The following BBS9 variants were observed in gnomAD, a reference collection of about 807,000 sequenced individuals.
BBS9 encodes protein PTHB1.
BBS9 carries 89 observed loss-of-function variants against 117.7 expected under a neutral mutation model. The ratio of observed to expected loss-of-function variants is 0.76; its 90% confidence interval spans 0.64 to 0.90. The LOEUF (loss-of-function observed/expected upper bound fraction) is 0.90. Among genes scored for constraint, BBS9 ranks in the 40% least tolerant of loss-of-function variants. The pLI is 0.00. For synonymous variants in BBS9, 379 were observed against 370.9 expected (o/e 1.02, Z -0.25); for missense variants, 982 against 1,042.2 (o/e 0.94, Z 0.80).
At chr7:33,240,665 G>A (rs1003542192) in intron 5 of BBS9, among the ~76,000 whole-genome samples, 1 of 152,102 alleles carries the variant, frequency 6.6e-6, no homozygotes, top group Non-Finnish European at 1.5e-5. Context: ...ATATTATTTG[G>A]CATTGCATTA....
At chr7:33,398,191 A>G (rs1828323595) in intron 19 of BBS9, among the ~76,000 whole-genome samples, 1 of 152,134 alleles carries the variant, frequency 6.6e-6, no homozygotes, top group South Asian at 2.1e-4. Flanking sequence ...GTGTTTTACC[A>G]GATATATTAC....
chr7:33,518,530 T>G (rs907299347), intron 20 of BBS9, among the ~76,000 whole-genome samples: 4 of 152,128 alleles, frequency 2.6e-5, no homozygotes, highest in Non-Finnish European at 4.4e-5. Context: ...ATTACAGGCG[T>G]GAGCCACCGC....
rs1011783046 is a variant in BBS9, at chr7:33,605,373, G to A, written c.*147G>A. The A allele has an allele frequency of 3.6e-6, 3 of 838,596 alleles. No homozygotes were observed. The highest frequency in any genetic ancestry group is 6.1e-6 in the Non-Finnish European group (3 of 491,628). 51.9% of individuals were successfully genotyped at this position (838,596 alleles called of 1,614,324 possible). Reference sequence around the variant, plus strand: ...GATGACATGCATAGAAAGAGGGGTTGGGACTTTTTACTTCACTAGGAGAAC... The same window carrying A: ...GATGACATGCATAGAAAGAGGGGTTAGGACTTTTTACTTCACTAGGAGAAC... On this transcript the variant is annotated 3_prime_UTR_variant, in exon 23 of 23. Transcript: ENST00000242067.
intron 4 of BBS9, among the ~76,000 whole-genome samples, chr7:33,173,763 TG>T (rs1796945334): frequency 6.6e-6 from 1 of 152,142 alleles, no homozygotes; most frequent in Admixed American, 6.6e-5. Context: ...TTACTGCTTC[TG>T]GGGCCTAATA....
At chr7:33,213,098 G>C (rs1788342454) in intron 5 of BBS9, among the ~76,000 whole-genome samples, 1 of 152,302 alleles carries the variant, frequency 6.6e-6, no homozygotes, top group East Asian at 1.9e-4. Flanking sequence ...CTTCCCTTCA[G>C]GATGGCAAGA....
intron 4 of BBS9, among the ~76,000 whole-genome samples, chr7:33,177,134 T>C (rs1032211265): frequency 6.6e-6 from 1 of 152,210 alleles, no homozygotes; most frequent in Non-Finnish European, 1.5e-5. Flanking sequence ...TTAATGTTTA[T>C]AAATGCAGAG....
At chr7:33,137,934 T>A (rs1396455456) in intron 1 of BBS9, among the ~76,000 whole-genome samples, 2 of 152,218 alleles carry the variant, frequency 1.3e-5, no homozygotes, top group Non-Finnish European at 2.9e-5. Flanking sequence ...TCTGAAATAT[T>A]GTTGTTCTGA....
chr7:33,545,472 T>A (rs1369831342), intron 21 of BBS9, among the ~76,000 whole-genome samples: 2 of 152,144 alleles, frequency 1.3e-5, no homozygotes, highest in African/African-American at 2.4e-5. Context: ...AAACCTTCAG[T>A]TTCTGCAGTG....
chr7:33,578,076 A>C (rs889281209), intron 21 of BBS9, among the ~76,000 whole-genome samples: 1 of 152,186 alleles, frequency 6.6e-6, no homozygotes, highest in Non-Finnish European at 1.5e-5. Flanking sequence ...TCTTGCTAAG[A>C]AGTCTGAAAA....
chr7:33,579,780 T>TA (rs1563394893), intron 21 of BBS9, among the ~76,000 whole-genome samples: 1 of 152,186 alleles, frequency 6.6e-6, no homozygotes, highest in African/African-American at 2.4e-5. Context: ...ACTCTAAGTC[T>TA]AAGGCAAATG....
chr7:33,354,092 G>A (rs1210696024), intron 15 of BBS9, among the ~76,000 whole-genome samples: 1 of 151,892 alleles, frequency 6.6e-6, no homozygotes, highest in Non-Finnish European at 1.5e-5. Flanking sequence ...AAACTATGAG[G>A]AAAAAACCCA....
intron 21 of BBS9, among the ~76,000 whole-genome samples, chr7:33,624,573 A>G (rs78757907): frequency 0.022 from 3,371 of 152,288 alleles, 57 homozygotes; most frequent in Non-Finnish European, 0.034. Flanking sequence ...AATTTGCTTC[A>G]CCAGGTGGTG....
chr7:33,272,714 A>G (rs1166319567), intron 7 of BBS9, among the ~76,000 whole-genome samples: 1 of 152,160 alleles, frequency 6.6e-6, no homozygotes, highest in Non-Finnish European at 1.5e-5. Context: ...TTGCAAATTA[A>G]GCACAATATC....
intron 4 of BBS9, among the ~76,000 whole-genome samples, chr7:33,163,233 G>A (rs1423008755): frequency 6.6e-6 from 1 of 152,178 alleles, no homozygotes; most frequent in Non-Finnish European, 1.5e-5. Context: ...TGGTATGCCA[G>A]TATTCTATTG....
chr7:33,165,523 C>T lies in BBS9; in HGVS notation c.328+9821C>T, dbSNP rs112917682. The stretch of plus-strand genomic sequence containing the variant: ...TTCCATATTTCTTGGAGGCTTTGTT[C>T]GTTTTTTTTTTTACTCTTTTTTCTC... On this transcript the variant is annotated intron_variant, in intron 4 of 22. Transcript: ENST00000242067. 7.3e-5 allele frequency among the ~76,000 whole-genome samples: 11 copies of T among 151,332 alleles called. 1 individual carries two copies. In the South Asian group the frequency reaches 1.3e-3, roughly 17 times the overall value.
intron 5 of BBS9, among the ~76,000 whole-genome samples, chr7:33,218,677 A>C: frequency 6.6e-6 from 1 of 152,368 alleles, no homozygotes; most frequent in African/African-American, 2.4e-5. Flanking sequence ...TGCTAGCCCA[A>C]AGGAAGGAAA....
At chr7:33,238,546 A>G (rs1221243442) in intron 5 of BBS9, among the ~76,000 whole-genome samples, 1 of 152,128 alleles carries the variant, frequency 6.6e-6, no homozygotes, top group Non-Finnish European at 1.5e-5. Context: ...TGCCCGCTTC[A>G]GCCTCCAAAA....
intron 19 of BBS9, among the ~76,000 whole-genome samples, chr7:33,493,562 T>C (rs757694754): frequency 2.6e-5 from 4 of 152,172 alleles, no homozygotes; most frequent in Admixed American, 6.5e-5. Flanking sequence ...TAAATAAACA[T>C]TTATAAGCAT....
chr7:33,276,026 A>G (rs1303190475), intron 9 of BBS9, among the ~76,000 whole-genome samples: 1 of 152,202 alleles, frequency 6.6e-6, no homozygotes, highest in African/African-American at 2.4e-5. Context: ...AAACAATTAA[A>G]TCCAAATATT....
Sources: gnomAD v4.1 joint callset for allele counts (sites outside exome capture counted in the v4.1 genomes callset) on GRCh38, gnomAD v4.1.1 for gene constraint, MANE v1.5 for transcripts, NCBI Gene and HGNC (gene_info 2026-07-23, HGNC 2026-07-21) for gene names.